The following NEK11 variants were observed in gnomAD, a reference collection of about 807,000 sequenced individuals.
The protein encoded by NEK11 is serine/threonine-protein kinase Nek11.
A neutral mutation model predicts 80.7 loss-of-function variants in NEK11; 72 were observed. The observed-to-expected ratio is 0.89, with a 90% CI of 0.74 to 1.08. The LOEUF (loss-of-function observed/expected upper bound fraction) is 1.08, where lower values mean the gene tolerates loss of function less well. NEK11 is among the 50% of genes least tolerant of loss of function. The pLI, the probability that NEK11 is intolerant of heterozygous loss-of-function variation, is 0.00. For missense variants in NEK11, 764 were observed against 763.6 expected (o/e 1.00, Z -0.01); for synonymous variants, 251 against 260.7 (o/e 0.96, Z 0.36).
At chr3:131,292,298 T>C (rs143543341) in intron 17 of NEK11, among the ~76,000 whole-genome samples, 1 of 152,242 alleles carries the variant, frequency 6.6e-6, no homozygotes, top group East Asian at 1.9e-4. Flanking sequence ...CTTTTGCCAA[T>C]ACTACATTGT....
At chr3:131,186,847 T>C (rs577826969) in intron 14 of NEK11, among the ~76,000 whole-genome samples, 1 of 152,294 alleles carries the variant, frequency 6.6e-6, no homozygotes, top group East Asian at 1.9e-4. Flanking sequence ...TTTAATGTAA[T>C]CCTCTGCTTT....
chr3:131,311,090 G>A (rs2096777654), intron 17 of NEK11, among the ~76,000 whole-genome samples: 1 of 152,126 alleles, frequency 6.6e-6, no homozygotes, highest in South Asian at 2.1e-4. Context: ...AGCTTTAGGA[G>A]ATTTAGAAGC....
At chr3:131,337,895 T>C (rs962201885) in intron 17 of NEK11, among the ~76,000 whole-genome samples, 1 of 152,172 alleles carries the variant, frequency 6.6e-6, no homozygotes, top group South Asian at 2.1e-4. Flanking sequence ...CCTCATATGA[T>C]TGTGTAAATA....
chr3:131,066,420 A>G (rs1420548191), intron 3 of NEK11, among the ~76,000 whole-genome samples: 6 of 152,134 alleles, frequency 3.9e-5, no homozygotes, highest in East Asian at 1.9e-4. Context: ...CAGACTATCA[A>G]CCTTGTGCAG....
intron 10 of NEK11, among the ~76,000 whole-genome samples, chr3:131,159,370 C>G (rs1029136227): frequency 6.6e-6 from 1 of 152,090 alleles, no homozygotes; most frequent in African/African-American, 2.4e-5. Context: ...CAAACACAAT[C>G]CAAGGAAGCT....
At chr3:131,050,504 G>A (rs1333598060) in intron 3 of NEK11, among the ~76,000 whole-genome samples, 1 of 152,128 alleles carries the variant, frequency 6.6e-6, no homozygotes, top group Non-Finnish European at 1.5e-5. Context: ...TTATGACACC[G>A]TTGGTTTATT....
At chr3:131,139,489 A>G (rs932916193) in intron 7 of NEK11, among the ~76,000 whole-genome samples, 7 of 152,150 alleles carry the variant, frequency 4.6e-5, no homozygotes, top group Non-Finnish European at 8.8e-5. Context: ...AAGGAATAGT[A>G]ACAGAGAACT....
chr3:131,193,701 T>G (rs2093890248), intron 14 of NEK11, among the ~76,000 whole-genome samples: 1 of 152,228 alleles, frequency 6.6e-6, no homozygotes, highest in African/African-American at 2.4e-5. Context: ...ACTTTTATGC[T>G]TTAATAGATA....
intron 4 of NEK11, 138 bp from the exon 5 acceptor site, chr3:131,109,663 AAG>A (rs1330791413): frequency 2.3e-6 from 2 of 874,500 alleles, no homozygotes; most frequent in Admixed American, 2.9e-5. Context: ...ACTTTGATTA[AAG>A]AGAGAATCTT....
intron 15 of NEK11, among the ~76,000 whole-genome samples, chr3:131,231,757 A>G (rs2095334352): frequency 6.6e-6 from 1 of 151,954 alleles, no homozygotes; most frequent in Admixed American, 6.5e-5. Flanking sequence ...GTGAATTGAG[A>G]GAGACCTGCT....
At chr3:131,084,552 A>C (rs143649110) in intron 4 of NEK11, among the ~76,000 whole-genome samples, 1 of 152,232 alleles carries the variant, frequency 6.6e-6, no homozygotes, top group African/African-American at 2.4e-5. Context: ...AAACCTAGGC[A>C]TTAAATTAGT....
At chr3:131,102,062 T>TG (rs1218479689) in intron 4 of NEK11, among the ~76,000 whole-genome samples, 5 of 152,222 alleles carry the variant, frequency 3.3e-5, no homozygotes, top group African/African-American at 1.2e-4. Flanking sequence ...TTTGTTTTTT[T>TG]GTTTGGATAG....
intron 14 of NEK11, among the ~76,000 whole-genome samples, chr3:131,207,379 C>T (rs1224723680): frequency 2.0e-5 from 3 of 152,140 alleles, no homozygotes; most frequent in East Asian, 3.9e-4. Context: ...GTCAGGAGAT[C>T]GAGACCATCC....
intron 14 of NEK11, among the ~76,000 whole-genome samples, chr3:131,173,084 G>C (rs1358078290): frequency 6.6e-6 from 1 of 152,162 alleles, no homozygotes; most frequent in African/African-American, 2.4e-5. Flanking sequence ...GAAAACTCAT[G>C]AATAATCCAC....
chr3:131,060,500 T>C (rs1018517917), intron 3 of NEK11, among the ~76,000 whole-genome samples: 6 of 152,234 alleles, frequency 3.9e-5, no homozygotes, highest in African/African-American at 1.4e-4. Flanking sequence ...CTACTTACTT[T>C]CCCAAGTTTT....
At chr3:131,247,495 A>G (rs763738971) in intron 16 of NEK11, among the ~76,000 whole-genome samples, 1 of 152,124 alleles carries the variant, frequency 6.6e-6, no homozygotes, top group African/African-American at 2.4e-5. Context: ...TTTTTATACC[A>G]GTACCATGTT....
At chr3:131,117,146 T>A (rs2081382726) in intron 5 of NEK11, among the ~76,000 whole-genome samples, 1 of 152,234 alleles carries the variant, frequency 6.6e-6, no homozygotes, top group Non-Finnish European at 1.5e-5. Context: ...CTTGAAGAAA[T>A]TTAATATAAG....
In NEK11 at chr3:131,042,374, A is replaced by G. The variant is rs192223179; in HGVS notation, c.170+12496A>G. ...TAAGATCCACTGGCTTGAAATTCTC[A>G]CAGCCAGCATGGCAGTCTGAGGTCG... On this transcript the variant is annotated intron_variant, in intron 3 of 17. Coordinates refer to ENST00000383366, the MANE Select transcript of NEK11 (RefSeq NM_024800.5). Among the ~76,000 whole-genome samples, 834 of 152,180 alleles carry G rather than the reference A, an allele frequency of 5.5e-3. 4 individuals are homozygous for G. The highest frequency in any genetic ancestry group is 0.024 in the Middle Eastern group (7 of 294).
intron 3 of NEK11, among the ~76,000 whole-genome samples, chr3:131,066,283 C>A (rs551695565): frequency 5.3e-5 from 8 of 152,182 alleles, no homozygotes; most frequent in Non-Finnish European, 1.0e-4. Flanking sequence ...ATATTGCCAG[C>A]AATTTGTGTC....
Sources: gnomAD v4.1 joint callset for allele counts (sites outside exome capture counted in the v4.1 genomes callset) on GRCh38, gnomAD v4.1.1 for gene constraint, MANE v1.5 for transcripts, NCBI Gene and HGNC (gene_info 2026-07-23, HGNC 2026-07-21) for gene names.